Variants in BANK1 observed in about 807,000 individuals in gnomAD.
BANK1 encodes B cell scaffold protein with ankyrin repeats 1.
In BANK1, 95 loss-of-function variants were observed where a neutral mutation model predicts 94.5. The observed-to-expected ratio is 1.00, with a 90% CI of 0.85 to 1.19. The LOEUF is 1.19. Ranked by LOEUF, BANK1 falls within the 50% of genes most tolerant of loss-of-function variation. The pLI is 0.00. For missense variants in BANK1, 987 were observed against 932.2 expected (o/e 1.06, Z -0.77); for synonymous variants, 334 against 308.4 (o/e 1.08, Z -0.87).
At chr4:101,822,805 C>T (rs565025768) in intron 1 of BANK1, among the ~76,000 whole-genome samples, 4 of 151,748 alleles carry the variant, frequency 2.6e-5, no homozygotes, top group African/African-American at 9.7e-5. Context: ...TTAGTAGAGG[C>T]GGGGTTTCGC....
In BANK1 at chr4:101,876,731, A is replaced by T. The variant is rs141558933; in HGVS notation, c.903+6087A>T. On this transcript the variant is annotated intron_variant, in intron 5 of 16. Coordinates refer to ENST00000322953, the MANE Select transcript of BANK1 (RefSeq NM_017935.5). ...AGGCACCAGGGACTAATCATGAAGA[A>T]ACATAGATATGTGACCTTTCAAAGA... Among the ~76,000 whole-genome samples, 315 of 152,354 alleles carry T rather than the reference A, an allele frequency of 2.1e-3. 1 individual carries two copies. The highest frequency in any genetic ancestry group is 3.7e-3 in the Non-Finnish European group (249 of 68,040).
In BANK1 at chr4:101,951,357, G is replaced by A. The variant is rs1033653972; in HGVS notation, c.1206+33168G>A. On this transcript the variant is annotated intron_variant, in intron 7 of 16. Transcript: ENST00000322953. ...AGGAAATGTCTTTTTATAAAAATAT[G>A]TACAATTTTATATTCAATAATCATG... Among the ~76,000 whole-genome samples the A allele has an allele frequency of 2.6e-5, 4 of 152,162 alleles. No homozygotes were observed. The South Asian group carries it at 6.2e-4, about 24-fold the overall frequency.
chr4:101,854,508 C>T (rs1727608537), intron 2 of BANK1, among the ~76,000 whole-genome samples: 1 of 152,028 alleles, frequency 6.6e-6, no homozygotes, highest in Middle Eastern at 3.2e-3. Flanking sequence ...AATGCATTAA[C>T]ATTTTGGTAA....
At chr4:101,840,838 C>T (rs1321799238) in intron 2 of BANK1, among the ~76,000 whole-genome samples, 1 of 152,088 alleles carries the variant, frequency 6.6e-6, no homozygotes, top group African/African-American at 2.4e-5. Flanking sequence ...TCTCCCCCAC[C>T]GAGCTGGTCT....
In BANK1 at chr4:101,985,988, C is replaced by G. The variant is rs147122186; in HGVS notation, c.1207-35526C>G. 3.2e-3 allele frequency among the ~76,000 whole-genome samples: 489 copies of G among 152,206 alleles called. 2 individuals carry two copies. Among genetic ancestry groups the G allele is most frequent in the Non-Finnish European group, 5.7e-3 (385 of 67,990 alleles). On this transcript the variant is annotated intron_variant, in intron 7 of 16. Transcript: ENST00000322953. ...TTCCGAAAGCATTAATTCACTTACT[C>G]CATTCAGAAAATATGTATTTAATGT...
intron 11 of BANK1, among the ~76,000 whole-genome samples, chr4:102,046,397 A>C (rs75282830): frequency 0.021 from 3,165 of 152,228 alleles, 123 homozygotes; most frequent in African/African-American, 0.073. Flanking sequence ...AAGGCATGAA[A>C]TAACCTTATC....
At chr4:101,873,007 A>G (rs1363067) in intron 5 of BANK1, among the ~76,000 whole-genome samples, 52,201 of 151,360 alleles carry the variant, frequency 0.34, 9,345 homozygotes, top group African/African-American at 0.39. Flanking sequence ...AGAAAAAAAA[A>G]AAAAGAAAAG....
chr4:101,860,790 A>G (rs1029235222), intron 3 of BANK1, among the ~76,000 whole-genome samples: 3 of 152,192 alleles, frequency 2.0e-5, no homozygotes, highest in Non-Finnish European at 4.4e-5. Context: ...TTGGGTGGAT[A>G]AAACACTGGG....
intron 13 of BANK1, among the ~76,000 whole-genome samples, chr4:102,065,213 T>C (rs1728550910): frequency 6.6e-6 from 1 of 152,118 alleles, no homozygotes; most frequent in East Asian, 1.9e-4. Context: ...AAAGATGTAA[T>C]GAGTAAGAAC....
intron 3 of BANK1, among the ~76,000 whole-genome samples, chr4:101,856,295 A>C (rs934889886): frequency 6.6e-6 from 1 of 152,146 alleles, no homozygotes; most frequent in African/African-American, 2.4e-5. Flanking sequence ...CTTTGACACT[A>C]CCTTAGAGAC....
At chr4:102,040,935 C>T (rs1301632848) in intron 10 of BANK1, among the ~76,000 whole-genome samples, 1 of 152,032 alleles carries the variant, frequency 6.6e-6, no homozygotes, top group Non-Finnish European at 1.5e-5. Flanking sequence ...TTCCATGTCA[C>T]TCATGTGGTT....
intron 13 of BANK1, among the ~76,000 whole-genome samples, chr4:102,069,905 T>C (rs1728704454): frequency 6.6e-6 from 1 of 152,122 alleles, no homozygotes; most frequent in Admixed American, 6.5e-5. Context: ...CACAAAGGAA[T>C]ACTACATGCT....
At position 102,025,453 on chromosome 4, in the gene BANK1, C is replaced by G. The variant is rs377520845; in HGVS notation, c.1538C>G (p.Pro513Arg). Reference protein sequence around the residue: ...PLMSSRPPLPPPRPVANAFQL... With the variant: ...PLMSSRPPLPRPRPVANAFQL... ...ATGAGCAGCAGACCTCCTCTCCCCC[C>G]GCCGCGACCTGTAGCTAATGCCTTC... is the stretch of plus-strand genomic sequence containing the variant. The change falls in exon 9 of 17, where the codon CCG (proline) becomes CGG (arginine). Residue 513 changes from proline (P) to arginine (R), a missense_variant. Transcript: ENST00000322953. 6.2e-7 allele frequency: 1 copy of G among 1,614,078 alleles called. No homozygotes were observed.
chr4:102,019,395 A>G (rs1470791291), intron 7 of BANK1, among the ~76,000 whole-genome samples: 4 of 152,208 alleles, frequency 2.6e-5, no homozygotes, highest in Non-Finnish European at 2.9e-5. Context: ...TTTATTGAGC[A>G]GTTACTATGT....
chr4:101,811,145 A>T (rs977191872), intron 1 of BANK1, among the ~76,000 whole-genome samples: 1 of 152,182 alleles, frequency 6.6e-6, no homozygotes, highest in African/African-American at 2.4e-5. Context: ...TCTTTGTGCT[A>T]GCTGCTGTGT....
intron 14 of BANK1, 143 bp from the exon 15 acceptor site, chr4:102,072,202 G>A (rs940984487): frequency 3.2e-5 from 22 of 682,974 alleles, no homozygotes; most frequent in Non-Finnish European, 4.5e-5. Context: ...GTGCCTTTTC[G>A]GTATCCCCCT....
intron 5 of BANK1, among the ~76,000 whole-genome samples, chr4:101,881,277 T>C (rs915772954): frequency 6.6e-6 from 1 of 151,648 alleles, no homozygotes; most frequent in African/African-American, 2.4e-5. Flanking sequence ...AAAATCTAAA[T>C]AGACATTTCT....
intron 7 of BANK1, among the ~76,000 whole-genome samples, chr4:101,936,783 C>T (rs1277378908): frequency 6.6e-6 from 1 of 151,380 alleles, no homozygotes; most frequent in African/African-American, 2.4e-5. Flanking sequence ...GTTAAAATGG[C>T]ATATATCCAA....
At position 102,021,607 on chromosome 4, in the gene BANK1, GTTATATATATATATGACATAT is replaced by G; in HGVS notation, c.1285+17_1285+37del. 9.9e-7 allele frequency: 1 copy of G among 1,012,820 alleles called. No homozygotes were observed. Among genetic ancestry groups the G allele is most frequent in the Non-Finnish European group, 1.4e-6 (1 of 707,526 alleles). The allele number at this position is 1,012,820 out of a possible 1,614,324, so 62.7% of individuals were successfully genotyped here. The stretch of plus-strand genomic sequence containing the variant: ...ATATATTCCTTGTAAGTTTTTCCAT[GTTATATATATATATGACATAT>G]TCATATATATATCACATATATATGT... On this transcript the variant is annotated intron_variant, in intron 8 of 16. Coordinates refer to ENST00000322953, the MANE Select transcript of BANK1 (RefSeq NM_017935.5).
Sources: gnomAD v4.1 joint callset for allele counts (sites outside exome capture counted in the v4.1 genomes callset) on GRCh38, gnomAD v4.1.1 for gene constraint, MANE v1.5 for transcripts, NCBI Gene and HGNC (gene_info 2026-07-23, HGNC 2026-07-21) for gene names.